LRP1B: variants seen among roughly 807,000 people sequenced by gnomAD.
The protein encoded by LRP1B is low-density lipoprotein receptor-related protein 1B.
A neutral mutation model predicts 556.6 loss-of-function variants in LRP1B; 217 were observed. That is an observed-to-expected ratio of 0.39 (90% CI 0.35 to 0.44). The LOEUF (loss-of-function observed/expected upper bound fraction) is 0.44, where lower values mean the gene tolerates loss of function less well. Among genes scored for constraint, LRP1B ranks in the 20% least tolerant of loss-of-function variants. LRP1B has a pLI of 1.00. For synonymous variants in LRP1B, 2,047 were observed against 1,865.8 expected (o/e 1.10, Z -2.50); for missense variants, 5,053 against 5,620.8 (o/e 0.90, Z 3.23).
At chr2:140,649,385 A>C (rs1342346162) in intron 41 of LRP1B, among the ~76,000 whole-genome samples, 1 of 152,148 alleles carries the variant, frequency 6.6e-6, no homozygotes, top group Non-Finnish European at 1.5e-5. Context: ...AGTGGCAATC[A>C]TATCCTACAA....
intron 1 of LRP1B, among the ~76,000 whole-genome samples, chr2:142,067,356 T>TA (rs1330973489): frequency 6.6e-6 from 1 of 151,458 alleles, no homozygotes; most frequent in Non-Finnish European, 1.5e-5. Context: ...AAAAAAAGTT[T>TA]AAAAAATGTA....
At chr2:142,037,597 G>T (rs1028323173) in intron 1 of LRP1B, among the ~76,000 whole-genome samples, 1 of 151,562 alleles carries the variant, frequency 6.6e-6, no homozygotes, top group Non-Finnish European at 1.5e-5. Context: ...ACAATTAAAA[G>T]ATGGGACAAT....
At chr2:142,067,563 T>C (rs1472393720) in intron 1 of LRP1B, among the ~76,000 whole-genome samples, 1 of 151,572 alleles carries the variant, frequency 6.6e-6, no homozygotes, top group Non-Finnish European at 1.5e-5. Flanking sequence ...CCTTATTCAC[T>C]GTCCATAATT....
chr2:140,249,913 T>G (rs1681331232), intron 86 of LRP1B, among the ~76,000 whole-genome samples: 1 of 151,914 alleles, frequency 6.6e-6, no homozygotes. Context: ...AAATAAAATT[T>G]GTGCAGATCA....
At chr2:142,054,744 C>A (rs772820044) in intron 1 of LRP1B, among the ~76,000 whole-genome samples, 21 of 152,052 alleles carry the variant, frequency 1.4e-4, no homozygotes, top group Admixed American at 2.0e-4. Flanking sequence ...TATTTTGAAT[C>A]AAAATTGATT....
chr2:141,028,188 C>T (rs574259951), intron 11 of LRP1B, among the ~76,000 whole-genome samples: 1 of 151,698 alleles, frequency 6.6e-6, no homozygotes, highest in East Asian at 1.9e-4. Context: ...TGTAGCATTA[C>T]CTGTAAAAAT....
chr2:141,161,489 G>A (rs193041284), intron 7 of LRP1B, among the ~76,000 whole-genome samples: 95 of 152,214 alleles, frequency 6.2e-4, no homozygotes, highest in Admixed American at 1.7e-3. Context: ...CATTTTTGAC[G>A]AAAAGACTAG....
chr2:140,856,709 G>A (rs1039181531), intron 27 of LRP1B, among the ~76,000 whole-genome samples: 3 of 151,396 alleles, frequency 2.0e-5, no homozygotes, highest in Non-Finnish European at 4.4e-5. Context: ...GAGCTAGACA[G>A]GTGATACGCT....
intron 6 of LRP1B, among the ~76,000 whole-genome samples, chr2:141,189,137 G>C (rs1326779312): frequency 6.6e-6 from 1 of 151,944 alleles, no homozygotes; most frequent in African/African-American, 2.4e-5. Flanking sequence ...GGCATACTTA[G>C]GAATTGTAAA....
At chr2:140,332,874 A>C (rs904673934) in intron 79 of LRP1B, among the ~76,000 whole-genome samples, 1 of 152,130 alleles carries the variant, frequency 6.6e-6, no homozygotes, top group Non-Finnish European at 1.5e-5. Context: ...TCATTCTTTA[A>C]AATAAAAACA....
intron 33 of LRP1B, among the ~76,000 whole-genome samples, chr2:140,775,633 A>G (rs1689468671): frequency 6.6e-6 from 1 of 151,968 alleles, no homozygotes; most frequent in South Asian, 2.1e-4. Flanking sequence ...ACCATCTGTT[A>G]TTTCTCTCAC....
At chr2:141,791,753 C>T (rs1695620255) in intron 2 of LRP1B, among the ~76,000 whole-genome samples, 1 of 152,028 alleles carries the variant, frequency 6.6e-6, no homozygotes, top group African/African-American at 2.4e-5. Context: ...CAATTTGCAA[C>T]AGCCACAGCA....
Position 140,847,963 on chromosome 2 carries a change from A to C in LRP1B, c.4939+2139T>G, listed in dbSNP as rs117250668. 1.1e-3 allele frequency among the ~76,000 whole-genome samples: 163 copies of C among 152,262 alleles called. 7 individuals carry two copies. In the East Asian group the frequency reaches 0.031, roughly 29 times the overall value. The stretch of plus-strand genomic sequence containing the variant: ...GATTTTCTCAAAGATAAACTCACCA[A>C]ATTACTACCAGATACCAGTTCATAA... On this transcript the variant is annotated intron_variant, in intron 29 of 90. Coordinates refer to ENST00000389484, the MANE Select transcript of LRP1B (RefSeq NM_018557.3).
intron 83 of LRP1B, among the ~76,000 whole-genome samples, chr2:140,301,867 AAT>A (rs1365225329): frequency 4.0e-5 from 6 of 151,892 alleles, no homozygotes; most frequent in African/African-American, 1.4e-4. Flanking sequence ...ATATATATGC[AAT>A]AGTGTGCATG....
chr2:141,725,221 A>C (rs1558830590), intron 2 of LRP1B, among the ~76,000 whole-genome samples: 1 of 151,958 alleles, frequency 6.6e-6, no homozygotes, highest in Non-Finnish European at 1.5e-5. Flanking sequence ...AAATTCCATG[A>C]TATTCTATCT....
chr2:141,335,095 C>A (rs1259307307), intron 3 of LRP1B, among the ~76,000 whole-genome samples: 1 of 152,148 alleles, frequency 6.6e-6, no homozygotes, highest in Non-Finnish European at 1.5e-5. Context: ...TACTTTGTAT[C>A]CTTTTTAACA....
At position 141,058,829 on chromosome 2, in the gene LRP1B, A is replaced by G. The variant is rs1035356279; in HGVS notation, c.1408+54T>C. ...AACACCATACAAAAGCACAAGGACT[A>G]TATCCCCATTCAATCTACCATTAGG... On this transcript the variant is annotated intron_variant, in intron 9 of 90. Transcript: ENST00000389484. 1.5e-5 allele frequency: 22 copies of G among 1,438,432 alleles called. No homozygotes were observed. The South Asian group carries it at 3.0e-4, about 20-fold the overall frequency. The allele number at this position is 1,438,432 out of a possible 1,614,324, so 89.1% of individuals were successfully genotyped here. A position where few individuals can be genotyped will look rare whatever the true frequency, so the allele number is the denominator to read the frequency against.
chr2:140,526,479 C>T (rs918252996), intron 47 of LRP1B, 129 bp from the exon 48 acceptor site: 3 of 612,066 alleles, frequency 4.9e-6, no homozygotes, highest in Non-Finnish European at 8.7e-6. Context: ...GGAAGCCAAA[C>T]TTGACCCCTG....
At chr2:141,466,863 T>A (rs72849005) in intron 3 of LRP1B, among the ~76,000 whole-genome samples, 49,893 of 150,792 alleles carry the variant, frequency 0.33, 8,934 homozygotes, top group Non-Finnish European at 0.4. Context: ...CTTTTTTTTT[T>A]AATCCAGTCT....
Sources: gnomAD v4.1 joint callset for allele counts (sites outside exome capture counted in the v4.1 genomes callset) on GRCh38, gnomAD v4.1.1 for gene constraint, MANE v1.5 for transcripts, NCBI Gene and HGNC (gene_info 2026-07-23, HGNC 2026-07-21) for gene names.